SEC22C: variants seen among roughly 807,000 people sequenced by gnomAD.
SEC22C encodes SEC22 homolog C, vesicle trafficking protein.
In SEC22C, 29 loss-of-function variants were observed where a neutral mutation model predicts 34.7. That is an observed-to-expected ratio of 0.84 (90% CI 0.62 to 1.14). The LOEUF is 1.14. SEC22C is among the 50% of genes most tolerant of loss of function. The pLI is 0.00. For missense variants in SEC22C, 337 were observed against 369.0 expected (o/e 0.91, Z 0.71); for synonymous variants, 117 against 132.8 (o/e 0.88, Z 0.82).
chr3:42,581,979 G>C (rs1277633506), upstream of SEC22C: 1 of 152,446 alleles, frequency 6.6e-6, no homozygotes, highest in Non-Finnish European at 1.5e-5. Flanking sequence ...GTGCGCGTGC[G>C]CGAGTCTTGA....
intron 2 of SEC22C, among the ~76,000 whole-genome samples, chr3:42,566,316 T>C (rs981716729): frequency 2.6e-5 from 4 of 152,174 alleles, no homozygotes; most frequent in Admixed American, 2.6e-4. Flanking sequence ...GGACTTTTCC[T>C]TTTGTTTTTA....
rs1455831894 is a variant in SEC22C at position 42,551,401 on chromosome 3, G to T, written c.*1847C>A. The T allele has an allele frequency of 2.2e-6, 2 of 929,668 alleles. No individual in the cohort carries two copies. Among genetic ancestry groups the T allele is most frequent in the African/African-American group, 1.8e-5 (1 of 56,012 alleles). The allele number at this position is 929,668 out of a possible 1,614,324, so 57.6% of individuals were successfully genotyped here. A position where few individuals can be genotyped will look rare whatever the true frequency, so the allele number is the denominator to read the frequency against. On this transcript the variant is annotated 3_prime_UTR_variant, in exon 7 of 7. Coordinates refer to ENST00000264454, the MANE Select transcript of SEC22C (RefSeq NM_032970.4). ...CTGTCATGCAGGCTGGGGTGCAGTGGTGTGATTATAGCTCATGGAAGCCTC... is the reference window on the plus strand; with the variant it reads ...CTGTCATGCAGGCTGGGGTGCAGTGTTGTGATTATAGCTCATGGAAGCCTC...
chr3:42,564,222 G>A (rs1350593870), intron 2 of SEC22C: 2 of 226,510 alleles, frequency 8.8e-6, no homozygotes, highest in African/African-American at 4.7e-5. Flanking sequence ...AGGTTATTTT[G>A]GTCTCATAAA....
rs184784637 is a variant in SEC22C at position 42,599,164 on chromosome 3, A to G, written c.-28+1796T>C. Among the ~76,000 whole-genome samples the G allele has an allele frequency of 7.7e-3, 1,167 of 150,742 alleles. 21 individuals carry two copies. The highest frequency in any genetic ancestry group is 0.027 in the African/African-American group (1,113 of 41,088). On this transcript the variant is annotated intron_variant, in intron 1 of 6. Transcript: ENST00000417572. ...GTATTTTTAGTAGAGAAAGGGTTTC[A>G]CCGTGTTAGCCAGGATGGTCTCGAT... is the stretch of plus-strand genomic sequence containing the variant.
intron 1 of SEC22C, among the ~76,000 whole-genome samples, chr3:42,578,611 G>A (rs1406051010): frequency 6.6e-6 from 1 of 151,580 alleles, no homozygotes; most frequent in Non-Finnish European, 1.5e-5. Flanking sequence ...CTGTTTACTA[G>A]AATTATATAA....
chr3:42,569,576 G>C (rs1703481266), intron 1 of SEC22C, among the ~76,000 whole-genome samples: 1 of 152,188 alleles, frequency 6.6e-6, no homozygotes, highest in South Asian at 2.1e-4. Flanking sequence ...GAAGAAGGTG[G>C]AGAGATTCTG....
At chr3:42,597,217 C>T (rs1404586549) in intron 1 of SEC22C, among the ~76,000 whole-genome samples, 1 of 152,118 alleles carries the variant, frequency 6.6e-6, no homozygotes, top group Non-Finnish European at 1.5e-5. Context: ...GACAGCACTT[C>T]TGTGATGGTG....
intron 1 of SEC22C, chr3:42,600,927 T>C (rs879549245): frequency 7.6e-5 from 76 of 1,006,576 alleles, no homozygotes; most frequent in Non-Finnish European, 9.4e-5. Context: ...CCCTCGCCCC[T>C]GCCCTCGCCC....
At position 42,554,116 on chromosome 3, in the gene SEC22C, A is replaced by T. The variant is rs189601275; in HGVS notation, c.712-668T>A. On this transcript the variant is annotated intron_variant, in intron 6 of 6. Coordinates refer to ENST00000264454, the MANE Select transcript of SEC22C (RefSeq NM_032970.4). ...TGTTTTTTTTTTTTAAAAAAAGGAC[A>T]TCACTGAACATGGATCAATCTGACA... Among the ~76,000 whole-genome samples, 4 of 152,084 alleles carry T rather than the reference A, an allele frequency of 2.6e-5. No individual in the cohort carries two copies. The East Asian group carries it at 7.7e-4, about 29-fold the overall frequency.
intron 1 of SEC22C, among the ~76,000 whole-genome samples, chr3:42,571,452 G>T (rs763570106): frequency 3.9e-5 from 6 of 152,182 alleles, no homozygotes; most frequent in Non-Finnish European, 7.3e-5. Context: ...TAACTTGTTT[G>T]TGTGTATTTG....
intron 1 of SEC22C, among the ~76,000 whole-genome samples, chr3:42,571,012 G>A (rs1364549039): frequency 6.6e-6 from 1 of 152,142 alleles, no homozygotes. Flanking sequence ...AAATAAGAAA[G>A]GTACTTTTTT....
At chr3:42,572,049 A>T (rs1237998435) in intron 1 of SEC22C, among the ~76,000 whole-genome samples, 1 of 152,060 alleles carries the variant, frequency 6.6e-6, no homozygotes, top group Non-Finnish European at 1.5e-5. Flanking sequence ...AAAAATAAAA[A>T]TTCTGAAAGG....
At chr3:42,578,697 A>G (rs1315000965) in intron 1 of SEC22C, among the ~76,000 whole-genome samples, 1 of 152,258 alleles carries the variant, frequency 6.6e-6, no homozygotes, top group African/African-American at 2.4e-5. Context: ...TCCTGCAACT[A>G]TAATTATCTT....
rs549007405 is a variant in SEC22C at position 42,563,801 on chromosome 3, T to TA, written c.183-116dup. On this transcript the variant is annotated intron_variant, in intron 2 of 6. Transcript: ENST00000264454. ...ACTTGCTTGGCTTTAAACAGTCCTG[T>TA]AGCTGTTTGCTGCAGGTATATTGTC... 3.1e-4 allele frequency: 480 copies of TA among 1,554,532 alleles called. 1 individual carries two copies. The African/African-American group carries it at 5.8e-3, about 19-fold the overall frequency.
upstream of SEC22C, among the ~76,000 whole-genome samples, chr3:42,584,728 A>T (rs141974261): frequency 4.0e-4 from 61 of 152,318 alleles, no homozygotes; most frequent in Non-Finnish European, 3.1e-4. Context: ...CCCTCCCACA[A>T]TGAGTCTCTG....
chr3:42,549,819 A>C lies in SEC22C; in HGVS notation c.*3429T>G. 2 of 985,464 alleles carry C rather than the reference A, an allele frequency of 2.0e-6. No individual in the cohort carries two copies. The highest frequency in any genetic ancestry group is 2.4e-6 in the Non-Finnish European group (2 of 829,962). 61.0% of individuals were successfully genotyped at this position (985,464 alleles called of 1,614,324 possible). ...GAGGAGCTCAAGCTCATTTAATCAA[A>C]ATGCTTAAATGTTTTAATTCCAGCA... On this transcript the variant is annotated 3_prime_UTR_variant, in exon 7 of 7. Transcript: ENST00000264454.
chr3:42,600,110 G>A (rs1251121985), intron 1 of SEC22C, among the ~76,000 whole-genome samples: 6 of 152,154 alleles, frequency 3.9e-5, no homozygotes, highest in Non-Finnish European at 7.3e-5. Flanking sequence ...CGAAGGACCA[G>A]ATTTAAAAAC....
At chr3:42,600,786 G>C (rs1705308229) in intron 1 of SEC22C, 1 of 381,376 alleles carries the variant, frequency 2.6e-6, no homozygotes, top group South Asian at 6.4e-5. Context: ...CAGGTGAAGA[G>C]CTCGCCCGCA....
chr3:42,596,352 G>A (rs1380242429), intron 1 of SEC22C, among the ~76,000 whole-genome samples: 2 of 152,104 alleles, frequency 1.3e-5, no homozygotes, highest in African/African-American at 4.8e-5. Flanking sequence ...AAATTATTTT[G>A]TCTGTTTCCC....
Sources: gnomAD v4.1 joint callset for allele counts (sites outside exome capture counted in the v4.1 genomes callset) on GRCh38, gnomAD v4.1.1 for gene constraint, MANE v1.5 for transcripts, NCBI Gene and HGNC (gene_info 2026-07-23, HGNC 2026-07-21) for gene names.